Variants in DIAPH3 observed in about 807,000 individuals in gnomAD.
DIAPH3 encodes protein diaphanous homolog 3.
A neutral mutation model predicts 144.3 loss-of-function variants in DIAPH3; 117 were observed. The ratio of observed to expected loss-of-function variants is 0.81; its 90% CI spans 0.70 to 0.95. The LOEUF (loss-of-function observed/expected upper bound fraction) is 0.95. Among genes scored for constraint, DIAPH3 ranks in the 40% least tolerant of loss-of-function variants. The probability of loss-of-function intolerance (pLI) is 0.00; values close to 1 mark genes in which losing one functional copy is unlikely to be tolerated. For synonymous variants in DIAPH3, 519 were observed against 488.9 expected (o/e 1.06, Z -0.81); for missense variants, 1,421 against 1,412.7 (o/e 1.01, Z -0.09).
intron 4 of DIAPH3, among the ~76,000 whole-genome samples, chr13:60,051,171 A>G (rs182700808): frequency 6.6e-6 from 1 of 152,252 alleles, no homozygotes; most frequent in African/African-American, 2.4e-5. Flanking sequence ...AAAGGGGAAA[A>G]AAGAACTGGG....
chr13:59,852,607 A>T (rs189873287), intron 22 of DIAPH3, among the ~76,000 whole-genome samples: 132 of 152,318 alleles, frequency 8.7e-4, no homozygotes, highest in Admixed American at 2.1e-3. Flanking sequence ...CTATGTTAGT[A>T]TGTCCAACTC....
chr13:59,853,131 T>TG (rs1280394054), intron 22 of DIAPH3, among the ~76,000 whole-genome samples: 2 of 152,174 alleles, frequency 1.3e-5, no homozygotes, highest in Non-Finnish European at 2.9e-5. Context: ...TATAACAAGC[T>TG]GGGGTTTCAA....
At chr13:59,709,009 C>T (rs941372422) in intron 27 of DIAPH3, among the ~76,000 whole-genome samples, 4 of 152,078 alleles carry the variant, frequency 2.6e-5, no homozygotes, top group Admixed American at 6.5e-5. Flanking sequence ...CCTCTCAACA[C>T]GTAGAGATAA....
chr13:59,919,699 CAT>C (rs1391175661), intron 18 of DIAPH3, among the ~76,000 whole-genome samples: 3 of 151,894 alleles, frequency 2.0e-5, no homozygotes, highest in Non-Finnish European at 4.4e-5. Flanking sequence ...TAATGAGAAA[CAT>C]AAAAATATCT....
chr13:59,971,022 G>A lies in DIAPH3; in HGVS notation c.1789C>T (p.Pro597Ser). The change falls in exon 16 of 28, where the codon CCT becomes TCT. Residue 597 changes from proline (P) to serine (S), a missense_variant. Pro to Ser is a moderately conservative substitution (Grantham distance 74). Transcript: ENST00000400324. ...VPPPPPPPPP[P>S]PLPGMRMPFS... ...GGCATCCGCATTCCTGGAAGTGGAGGAGGTGGTGGGGGAGGAGGTGGAGGC... is the reference window on the plus strand; with the variant it reads ...GGCATCCGCATTCCTGGAAGTGGAGAAGGTGGTGGGGGAGGAGGTGGAGGC... The A allele has an allele frequency of 6.2e-7, 1 of 1,612,178 alleles. No individual in the cohort carries two copies. Among genetic ancestry groups the A allele is most frequent in the Non-Finnish European group, 8.5e-7 (1 of 1,178,910 alleles).
At chr13:60,102,951 C>A (rs374598749) in intron 3 of DIAPH3, among the ~76,000 whole-genome samples, 3 of 152,140 alleles carry the variant, frequency 2.0e-5, no homozygotes, top group African/African-American at 7.2e-5. Context: ...TAGTCAGCGG[C>A]AGCCCTTACC....
At chr13:59,739,723 C>T (rs1482265596) in intron 27 of DIAPH3, among the ~76,000 whole-genome samples, 1 of 152,068 alleles carries the variant, frequency 6.6e-6, no homozygotes, top group Non-Finnish European at 1.5e-5. Context: ...TCCCAATGTA[C>T]ATCCTCTTTA....
intron 7 of DIAPH3, chr13:60,012,885 A>G (rs1488774947): frequency 3.2e-6 from 2 of 615,524 alleles, no homozygotes; most frequent in African/African-American, 4.0e-5. Flanking sequence ...TTGGTAATGC[A>G]AAAATGTGTC....
intron 25 of DIAPH3, among the ~76,000 whole-genome samples, chr13:59,804,797 T>C (rs772267272): frequency 7.9e-5 from 12 of 152,170 alleles, no homozygotes; most frequent in Admixed American, 6.5e-4. Flanking sequence ...TGGGCAATTA[T>C]GGAAAGTAAT....
chr13:60,157,683 T>C (rs1254409608), intron 1 of DIAPH3, among the ~76,000 whole-genome samples: 1 of 152,258 alleles, frequency 6.6e-6, no homozygotes, highest in Admixed American at 6.5e-5. Flanking sequence ...CTGAACATTG[T>C]GAATGTATGG....
intron 1 of DIAPH3, among the ~76,000 whole-genome samples, chr13:60,149,940 C>G (rs1005151291): frequency 1.3e-5 from 2 of 151,968 alleles, no homozygotes; most frequent in Admixed American, 6.6e-5. Context: ...AATTGGTGGT[C>G]TAGGATGGAA....
chr13:59,759,629 G>T (rs1198971788), intron 27 of DIAPH3, among the ~76,000 whole-genome samples: 1 of 152,118 alleles, frequency 6.6e-6, no homozygotes, highest in African/African-American at 2.4e-5. Context: ...GCGGTGTTCA[G>T]CTTCCAGTAA....
chr13:59,924,391 C>A (rs1415700420), intron 18 of DIAPH3, among the ~76,000 whole-genome samples: 1 of 152,006 alleles, frequency 6.6e-6, no homozygotes, highest in South Asian at 2.1e-4. Context: ...GATCAAGTAT[C>A]ACAAATATTA....
chr13:59,693,208 G>C (rs1383455608), intron 27 of DIAPH3, among the ~76,000 whole-genome samples: 1 of 151,952 alleles, frequency 6.6e-6, no homozygotes, highest in Non-Finnish European at 1.5e-5. Context: ...AGTGACCAAA[G>C]AGAAGAGTGA....
At position 59,944,802 on chromosome 13, in the gene DIAPH3, G is replaced by T. The variant is rs374244416; in HGVS notation, c.2075-19932C>A. 3.8e-3 allele frequency among the ~76,000 whole-genome samples: 566 copies of T among 149,428 alleles called. 3 individuals carry two copies. Among genetic ancestry groups the T allele is most frequent in the African/African-American group, 0.012 (499 of 41,026 alleles). On this transcript the variant is annotated intron_variant, in intron 17 of 27. Coordinates refer to ENST00000400324, the MANE Select transcript of DIAPH3 (RefSeq NM_001042517.2). The stretch of plus-strand genomic sequence containing the variant: ...CTGTGTGTTAGAAAAAAAGGGGGGG[G>T]GCTATTATCCTTTATACCTCCTTTT...
chr13:59,964,672 T>C (rs1028561298), intron 17 of DIAPH3, among the ~76,000 whole-genome samples: 1 of 152,126 alleles, frequency 6.6e-6, no homozygotes, highest in Non-Finnish European at 1.5e-5. Context: ...TTCCATTTCT[T>C]CCGCACCCCA....
At chr13:60,071,300 T>C (rs1418057896) in intron 4 of DIAPH3, among the ~76,000 whole-genome samples, 1 of 152,152 alleles carries the variant, frequency 6.6e-6, no homozygotes, top group African/African-American at 2.4e-5. Context: ...GGACAGACAA[T>C]AGCAGTCTGC....
At chr13:59,830,774 C>G (rs1172372451) in intron 24 of DIAPH3, among the ~76,000 whole-genome samples, 2 of 151,882 alleles carry the variant, frequency 1.3e-5, no homozygotes, top group Non-Finnish European at 2.9e-5. Flanking sequence ...AAAAAGTGGT[C>G]ATTTTTTGGA....
intron 27 of DIAPH3, among the ~76,000 whole-genome samples, chr13:59,703,331 T>G (rs2034222989): frequency 6.6e-6 from 1 of 152,252 alleles, no homozygotes; most frequent in Non-Finnish European, 1.5e-5. Context: ...TTATTAAAAT[T>G]AACTTCATCT....
Sources: allele counts gnomAD v4.1 joint callset (sites outside exome capture counted in the v4.1 genomes callset), GRCh38; gene constraint gnomAD v4.1.1; transcripts MANE v1.5; gene names NCBI Gene and HGNC (gene_info 2026-07-23, HGNC 2026-07-21).